Variants in CNTNAP5 observed in about 807,000 individuals in gnomAD.
The protein encoded by CNTNAP5 is contactin-associated protein-like 5.
Under a neutral mutation model 150.2 loss-of-function variants are expected in CNTNAP5, and 72 were observed. That is an observed-to-expected ratio of 0.48 (90% CI 0.40 to 0.58). CNTNAP5 has a LOEUF of 0.58. Among genes scored for constraint, CNTNAP5 ranks in the 20% least tolerant of loss-of-function variants. The pLI, the probability that CNTNAP5 is intolerant of heterozygous loss-of-function variation, is 0.00. For synonymous variants in CNTNAP5, 672 were observed against 619.8 expected (o/e 1.08, Z -1.25); for missense variants, 1,636 against 1,626.2 (o/e 1.01, Z -0.10).
At chr2:124,798,439 C>A in intron 19 of CNTNAP5, 119 bp downstream of exon 19, 1 of 676,806 alleles carries the variant, frequency 1.5e-6, no homozygotes, top group Non-Finnish European at 2.5e-6. Context: ...AAGCTTATTT[C>A]CAGACTTCCA....
At chr2:124,511,879 C>T (rs965098191) in intron 8 of CNTNAP5, among the ~76,000 whole-genome samples, 16 of 150,718 alleles carry the variant, frequency 1.1e-4, no homozygotes, top group African/African-American at 3.9e-4. Context: ...TGCTATGACT[C>T]TTCACAACCT....
intron 1 of CNTNAP5, among the ~76,000 whole-genome samples, chr2:124,172,558 A>G (rs1329957176): frequency 1.3e-5 from 2 of 152,110 alleles, no homozygotes; most frequent in Admixed American, 6.5e-5. Flanking sequence ...GTCTGCAGGC[A>G]TGCACCATCA....
At chr2:124,078,167 GT>G (rs1682480417) in intron 1 of CNTNAP5, among the ~76,000 whole-genome samples, 1 of 152,056 alleles carries the variant, frequency 6.6e-6, no homozygotes, top group East Asian at 1.9e-4. Flanking sequence ...ATCAAATTCT[GT>G]TTTCTTATGA....
At chr2:124,801,521 C>T (rs971417679) in intron 19 of CNTNAP5, among the ~76,000 whole-genome samples, 2 of 152,114 alleles carry the variant, frequency 1.3e-5, no homozygotes, top group African/African-American at 4.8e-5. Flanking sequence ...GTTGGAGAAA[C>T]CATAATAACT....
chr2:124,407,893 A>G (rs961067510), intron 3 of CNTNAP5, among the ~76,000 whole-genome samples: 1 of 152,286 alleles, frequency 6.6e-6, no homozygotes, highest in African/African-American at 2.4e-5. Context: ...AGATGGCCGA[A>G]TAGGAACAGC....
chr2:124,256,738 A>G (rs746916925), intron 3 of CNTNAP5, among the ~76,000 whole-genome samples: 35 of 152,178 alleles, frequency 2.3e-4, no homozygotes, highest in Non-Finnish European at 4.0e-4. Flanking sequence ...CTTCTATTCT[A>G]TGGAAGTGTA....
At chr2:124,134,177 G>A (rs144280035) in intron 1 of CNTNAP5, among the ~76,000 whole-genome samples, 207 of 152,218 alleles carry the variant, frequency 1.4e-3, no homozygotes, top group Non-Finnish European at 2.4e-3. Context: ...TCTAAACTCC[G>A]TTTGTCAGTG....
At chr2:124,843,707 A>G (rs922546574) in intron 19 of CNTNAP5, among the ~76,000 whole-genome samples, 1 of 151,860 alleles carries the variant, frequency 6.6e-6, no homozygotes, top group Non-Finnish European at 1.5e-5. Context: ...CTATTGCAGG[A>G]GTGAGGTGAT....
intron 3 of CNTNAP5, among the ~76,000 whole-genome samples, chr2:124,414,671 G>A (rs1691871295): frequency 6.6e-6 from 1 of 152,072 alleles, no homozygotes; most frequent in Non-Finnish European, 1.5e-5. Context: ...TTAATCTGGA[G>A]CATGCGATCA....
At chr2:124,655,999 A>AAAGAAAGAAGGAAGGAAGGAAGG (rs1317556643) in intron 13 of CNTNAP5, among the ~76,000 whole-genome samples, 1 of 90,626 alleles carries the variant, frequency 1.1e-5, no homozygotes, top group Non-Finnish European at 2.3e-5. Flanking sequence ...AAGAAAGAAA[A>AAAGAAAGAAGGAAGGAAGGAAGG]AAGGAAGGAA....
At position 124,798,254 on chromosome 2, in the gene CNTNAP5, C is replaced by T; in HGVS notation, c.3151C>T (p.Pro1051Ser). 6.2e-7 allele frequency: 1 copy of T among 1,613,920 alleles called. No individual in the cohort carries two copies. The highest frequency in any genetic ancestry group is 8.5e-7 in the Non-Finnish European group (1 of 1,179,824). The change falls in exon 19 of 24, where the codon CCC (proline) becomes TCC (serine). Residue 1051 changes from proline (P) to serine (S), a missense_variant. Pro to Ser is a moderately conservative substitution (Grantham distance 74). Transcript: ENST00000682447. ...ACTTAGCTTTGTGACAACCCAGGCA[C>T]CCAGTCTTTTGCTCTTTATCAATTC... ...IALSFVTTQA[P>S]SLLLFINSSS...
intron 21 of CNTNAP5, among the ~76,000 whole-genome samples, chr2:124,878,068 A>T (rs1367756965): frequency 6.6e-6 from 1 of 152,086 alleles, no homozygotes; most frequent in East Asian, 1.9e-4. Flanking sequence ...ATCCTGCCAC[A>T]GTTTGGTTTT....
chr2:124,294,124 T>C (rs1688365486), intron 3 of CNTNAP5, among the ~76,000 whole-genome samples: 1 of 152,146 alleles, frequency 6.6e-6, no homozygotes, highest in Admixed American at 6.5e-5. Context: ...ACATGGAAGC[T>C]CTGATTGCAT....
chr2:124,884,527 C>G (rs953530219), intron 21 of CNTNAP5, among the ~76,000 whole-genome samples: 6 of 152,052 alleles, frequency 3.9e-5, no homozygotes, highest in African/African-American at 1.4e-4. Flanking sequence ...AAGGAAGTGT[C>G]TGGAATGCAT....
At chr2:124,195,822 C>A (rs1685568690) in intron 1 of CNTNAP5, among the ~76,000 whole-genome samples, 2 of 152,070 alleles carry the variant, frequency 1.3e-5, no homozygotes, top group African/African-American at 4.8e-5. Flanking sequence ...GGGCCAATTT[C>A]ATTTTTTCTA....
intron 13 of CNTNAP5, among the ~76,000 whole-genome samples, chr2:124,667,167 CTGCATGCAATTT>C (rs1204090911): frequency 6.6e-6 from 1 of 152,202 alleles, no homozygotes; most frequent in Non-Finnish European, 1.5e-5. Flanking sequence ...CAGTTTATGA[CTGCATGCAATTT>C]GAATGCACCT....
At position 124,764,096 on chromosome 2, in the gene CNTNAP5, G is replaced by A. The variant is rs1265788229; in HGVS notation, c.2482G>A (p.Val828Ile). 1 of 1,613,050 alleles carries A rather than the reference G, an allele frequency of 6.2e-7. No individual in the cohort carries two copies. The highest frequency in any genetic ancestry group is 8.5e-7 in the Non-Finnish European group (1 of 1,179,328). The change falls in exon 16 of 24, where the codon GTT becomes ATT. Residue 828 changes from valine (V) to isoleucine (I), a missense_variant. Val to Ile is a conservative substitution (Grantham distance 29). Coordinates refer to ENST00000682447, the MANE Select transcript of CNTNAP5 (RefSeq NM_001367498.1). The stretch of plus-strand genomic sequence containing the variant: ...TTTTAAAACCACAGCATTATCCGGA[G>A]TTTTCCTAGAAAATCTTGGCATTAA... The part of the protein sequence containing the change: ...FFFKTTALSG[V>I]FLENLGIKDF...
intron 1 of CNTNAP5, among the ~76,000 whole-genome samples, chr2:124,208,894 AT>A (rs1358292111): frequency 1.3e-5 from 2 of 152,136 alleles, no homozygotes; most frequent in Non-Finnish European, 2.9e-5. Context: ...TTAATTAAGC[AT>A]TTTCTTTGTA....
At chr2:124,785,754 C>T (rs1424921350) in intron 17 of CNTNAP5, among the ~76,000 whole-genome samples, 1 of 152,144 alleles carries the variant, frequency 6.6e-6, no homozygotes, top group Admixed American at 6.5e-5. Flanking sequence ...CAGCTTGATC[C>T]CTAGGACAAT....
Sources: gnomAD v4.1 joint callset for allele counts (sites outside exome capture counted in the v4.1 genomes callset) on GRCh38, gnomAD v4.1.1 for gene constraint, MANE v1.5 for transcripts, NCBI Gene and HGNC (gene_info 2026-07-23, HGNC 2026-07-21) for gene names.